The following NR3C2 variants were observed in gnomAD, a reference collection of about 807,000 sequenced individuals.
The protein encoded by NR3C2 is mineralocorticoid receptor.
In NR3C2, 15 loss-of-function variants were observed where a neutral mutation model predicts 86.4. The ratio of observed to expected loss-of-function variants is 0.17; its 90% confidence interval spans 0.12 to 0.27. The LOEUF (loss-of-function observed/expected upper bound fraction) is 0.27. NR3C2 is among the 10% of genes least tolerant of loss of function. NR3C2 has a pLI of 1.00. For missense variants in NR3C2, 960 were observed against 1,195.6 expected, an observed-to-expected ratio of 0.80 and a Z score of 2.91; for synonymous variants, 458 against 450.5, an observed-to-expected ratio of 1.02 and a Z score of -0.21.
chr4:148,374,268 C>G (rs563407236), intron 2 of NR3C2, among the ~76,000 whole-genome samples: 11 of 152,084 alleles, frequency 7.2e-5, no homozygotes, highest in African/African-American at 2.4e-4. Flanking sequence ...TAAATATTCA[C>G]TACATTAGAA....
At chr4:148,218,028 T>C (rs1315147642) in intron 3 of NR3C2, among the ~76,000 whole-genome samples, 1 of 152,226 alleles carries the variant, frequency 6.6e-6, no homozygotes. Context: ...AATAGTTTTG[T>C]TGTCTTGTTT....
At chr4:148,103,123 C>A (rs1052904164) in intron 8 of NR3C2, among the ~76,000 whole-genome samples, 2 of 152,186 alleles carry the variant, frequency 1.3e-5, no homozygotes, top group African/African-American at 2.4e-5. Context: ...ATGTGGCAAA[C>A]CCCGACTTGA....
At chr4:148,399,960 C>T (rs1046564784) in intron 2 of NR3C2, among the ~76,000 whole-genome samples, 7 of 152,248 alleles carry the variant, frequency 4.6e-5, no homozygotes, top group Non-Finnish European at 8.8e-5. Flanking sequence ...CATCAATGAA[C>T]GGTGATTTAA....
Position 148,436,511 on chromosome 4 carries a change from T to C in NR3C2, c.350A>G (p.Tyr117Cys), listed in dbSNP as rs1164775795. The C allele has an allele frequency of 2.5e-6, 4 of 1,614,090 alleles. No individual in the cohort carries two copies. In the African/African-American group the frequency reaches 5.3e-5, roughly 22 times the overall value. The change falls in exon 2 of 9, where the codon TAT (tyrosine) becomes TGT (cysteine). Residue 117 changes from tyrosine (Y) to cysteine (C), a missense_variant. Coordinates refer to ENST00000358102, the MANE Select transcript of NR3C2 (RefSeq NM_000901.5). The part of the protein sequence containing the change: ...LYMDSVRDAD[Y>C]SYEQQNQQGS... ...TTGTTGGTTCTGCTGCTCATAGGAA[T>C]AGTCAGCATCTCTTACAGAATCCAT... is the stretch of plus-strand genomic sequence containing the variant.
intron 2 of NR3C2, among the ~76,000 whole-genome samples, chr4:148,378,096 G>A (rs1360366315): frequency 6.6e-6 from 1 of 152,140 alleles, no homozygotes; most frequent in Non-Finnish European, 1.5e-5. Flanking sequence ...AGCCATAGAG[G>A]TTGTTATAGG....
chr4:148,352,017 T>C (rs1305355667), intron 2 of NR3C2, among the ~76,000 whole-genome samples: 1 of 152,216 alleles, frequency 6.6e-6, no homozygotes, highest in Non-Finnish European at 1.5e-5. Context: ...TGGAATATTA[T>C]TCTTAAATAA....
chr4:148,204,120 A>C (rs1291650869), intron 3 of NR3C2, among the ~76,000 whole-genome samples: 1 of 152,182 alleles, frequency 6.6e-6, no homozygotes, highest in African/African-American at 2.4e-5. Flanking sequence ...TTTAATTATC[A>C]TAAGAATTTT....
intron 2 of NR3C2, among the ~76,000 whole-genome samples, chr4:148,403,987 G>A (rs1167544583): frequency 6.6e-6 from 1 of 151,964 alleles, no homozygotes; most frequent in Non-Finnish European, 1.5e-5. Flanking sequence ...TTTTTGATAG[G>A]TATTATCCCC....
intron 2 of NR3C2, among the ~76,000 whole-genome samples, chr4:148,427,884 A>T (rs1273616394): frequency 6.6e-6 from 1 of 152,174 alleles, no homozygotes; most frequent in Non-Finnish European, 1.5e-5. Context: ...ACCATCAAAA[A>T]TTAGGACAGT....
intron 3 of NR3C2, among the ~76,000 whole-genome samples, chr4:148,256,750 C>T (rs941698397): frequency 3.3e-5 from 5 of 152,132 alleles, no homozygotes; most frequent in South Asian, 2.1e-4. Context: ...TTAAAATGAA[C>T]GTATAAACCA....
intron 4 of NR3C2, among the ~76,000 whole-genome samples, chr4:148,193,434 C>T (rs1430687810): frequency 6.6e-6 from 1 of 152,198 alleles, no homozygotes; most frequent in Non-Finnish European, 1.5e-5. Context: ...CTAAAATTCA[C>T]AATGCAAGCC....
chr4:148,204,015 T>C (rs917972109), intron 3 of NR3C2, among the ~76,000 whole-genome samples: 2 of 152,216 alleles, frequency 1.3e-5, no homozygotes, highest in Non-Finnish European at 2.9e-5. Flanking sequence ...CTGTGGTGTT[T>C]CAAGAGTTCT....
At chr4:148,168,799 G>C (rs1734993439) in intron 4 of NR3C2, among the ~76,000 whole-genome samples, 1 of 152,124 alleles carries the variant, frequency 6.6e-6, no homozygotes, top group South Asian at 2.1e-4. Flanking sequence ...AGATGACAAA[G>C]TTATCCATGA....
At chr4:148,264,152 G>A (rs556731246) in intron 2 of NR3C2, among the ~76,000 whole-genome samples, 1 of 152,158 alleles carries the variant, frequency 6.6e-6, no homozygotes, top group African/African-American at 2.4e-5. Flanking sequence ...AAGAATCCAG[G>A]GACAGACTAT....
chr4:148,362,892 C>T (rs2063557), intron 2 of NR3C2, among the ~76,000 whole-genome samples: 149,779 of 152,286 alleles, frequency 0.98, 73,698 homozygotes, highest in East Asian at 1. Flanking sequence ...GCTCTCATGG[C>T]GTTTCCGTTA....
At chr4:148,260,759 A>C (rs1740056872) in intron 2 of NR3C2, among the ~76,000 whole-genome samples, 3 of 152,314 alleles carry the variant, frequency 2.0e-5, no homozygotes, top group African/African-American at 7.2e-5. Flanking sequence ...TAAATATCTC[A>C]GGTATCTTTC....
At chr4:148,270,077 A>AT (rs11303019) in intron 2 of NR3C2, among the ~76,000 whole-genome samples, 20,631 of 145,838 alleles carry the variant, frequency 0.14, 1,701 homozygotes, top group Middle Eastern at 0.33. Context: ...TGATTTCAGC[A>AT]TTTTTTTTTT....
intron 4 of NR3C2, among the ~76,000 whole-genome samples, chr4:148,155,443 A>C (rs1435565464): frequency 1.3e-5 from 2 of 152,190 alleles, no homozygotes; most frequent in Non-Finnish European, 2.9e-5. Flanking sequence ...ATGTGCAAAA[A>C]TCACAAGCAT....
In NR3C2 at chr4:148,370,856, C is replaced by T. The variant is rs768409649; in HGVS notation, c.1757+64248G>A. ...GGGTCAGTATCTTCCTTCTCCTCCC[C>T]GCCCCCCAATAAGAGATGGAAGTTT... On this transcript the variant is annotated intron_variant, in intron 2 of 8. Transcript: ENST00000358102. Among the ~76,000 whole-genome samples the T allele has an allele frequency of 8.5e-5, 13 of 152,076 alleles. No homozygotes were observed. The South Asian group carries it at 1.7e-3, about 19-fold the overall frequency.
Sources: allele counts gnomAD v4.1 joint callset (sites outside exome capture counted in the v4.1 genomes callset), GRCh38; gene constraint gnomAD v4.1.1; transcripts MANE v1.5; gene names NCBI Gene and HGNC (gene_info 2026-07-23, HGNC 2026-07-21).